ATP6V1A: variants seen among roughly 807,000 people sequenced by gnomAD.
The protein encoded by ATP6V1A is V-type proton ATPase catalytic subunit A.
ATP6V1A carries 18 observed loss-of-function variants against 70.1 expected under a neutral mutation model. That is an observed-to-expected ratio of 0.26 (90% confidence interval 0.18 to 0.38). The LOEUF is 0.38. Ranked by LOEUF, ATP6V1A falls within the 10% of genes least tolerant of loss-of-function variation. The pLI is 1.00. For missense variants in ATP6V1A, 424 were observed against 772.4 expected, an observed-to-expected ratio of 0.55 and a Z score of 5.35; for synonymous variants, 232 against 253.8, an observed-to-expected ratio of 0.91 and a Z score of 0.82.
At chr3:113,793,391 G>A (rs1360645619) in intron 8 of ATP6V1A, among the ~76,000 whole-genome samples, 3 of 152,062 alleles carry the variant, frequency 2.0e-5, no homozygotes, top group Admixed American at 6.6e-5. Context: ...GAATAAATTC[G>A]TCCTTTATCT....
intron 1 of ATP6V1A, among the ~76,000 whole-genome samples, chr3:113,769,468 A>G (rs1446495451): frequency 4.6e-5 from 7 of 152,178 alleles, no homozygotes; most frequent in Non-Finnish European, 8.8e-5. Flanking sequence ...ATAATGCTTC[A>G]TTATCAATGA....
chr3:113,763,373 C>T (rs1484402743), intron 1 of ATP6V1A, among the ~76,000 whole-genome samples: 3 of 152,198 alleles, frequency 2.0e-5, no homozygotes, highest in Non-Finnish European at 4.4e-5. Context: ...AGGCATGAGC[C>T]GCCACACCCA....
At chr3:113,771,892 GA>G (rs1259197324) in intron 1 of ATP6V1A, among the ~76,000 whole-genome samples, 2 of 152,176 alleles carry the variant, frequency 1.3e-5, no homozygotes, top group African/African-American at 4.8e-5. Flanking sequence ...AGCATGCCAA[GA>G]AATTTCCTTG....
intron 1 of ATP6V1A, among the ~76,000 whole-genome samples, chr3:113,761,053 G>A (rs1008939099): frequency 6.6e-6 from 1 of 151,396 alleles, no homozygotes; most frequent in Non-Finnish European, 1.5e-5. Context: ...CCCATAGAGC[G>A]AGACTCTGTC....
rs774413730 is a variant in ATP6V1A at position 113,809,385 on chromosome 3, T to C, written c.1812T>C (p.Leu604=). Residue 604 remains leucine (L), a synonymous_variant, in exon 15 of 15, where the codon CTT becomes CTC. Coordinates refer to ENST00000273398, the MANE Select transcript of ATP6V1A (RefSeq NM_001690.4). ...AGATCAAAAGCGACTATGCACAACT[T>C]CTTGAAGACATGCAGAATGCATTCC... ...EAKIKSDYAQ[L]LEDMQNAFRS... The C allele has an allele frequency of 3.1e-6, 5 of 1,613,972 alleles. No individual in the cohort carries two copies. The Admixed American group carries it at 6.7e-5, about 22-fold the overall frequency.
At position 113,803,898 on chromosome 3, in the gene ATP6V1A, C is replaced by A. The variant is rs545520357; in HGVS notation, c.1589+221C>A. On this transcript the variant is annotated intron_variant, in intron 13 of 14. Coordinates refer to ENST00000273398, the MANE Select transcript of ATP6V1A (RefSeq NM_001690.4). ...ACAGTATTTTCACTCATATATTCAT[C>A]TATAATTAGATTTAATTGTGGCTTA... Among the ~76,000 whole-genome samples the A allele has an allele frequency of 2.6e-5, 4 of 152,292 alleles. No homozygotes were observed. In the South Asian group the frequency reaches 8.3e-4, roughly 32 times the overall value.
At position 113,804,059 on chromosome 3, in the gene ATP6V1A, G is replaced by T. The variant is rs1052951340; in HGVS notation, c.1589+382G>T. Among the ~76,000 whole-genome samples, 3 of 152,086 alleles carry T rather than the reference G, an allele frequency of 2.0e-5. No individual in the cohort carries two copies. In the South Asian group the frequency reaches 6.2e-4, roughly 32 times the overall value. On this transcript the variant is annotated intron_variant, in intron 13 of 14. Coordinates refer to ENST00000273398, the MANE Select transcript of ATP6V1A (RefSeq NM_001690.4). ...GTCACCCGAGCTAGAGTGCAGTGGC[G>T]CAATCTCAGCTCATTGCAGCCTCAA...
intron 14 of ATP6V1A, 27 bp from the exon 15 acceptor site, chr3:113,809,308 A>C (rs1199466506): frequency 1.3e-6 from 2 of 1,568,856 alleles, no homozygotes; most frequent in Non-Finnish European, 8.7e-7. Flanking sequence ...TCCAAATGCG[A>C]GTTGAATTTG....
intron 8 of ATP6V1A, among the ~76,000 whole-genome samples, chr3:113,790,336 C>T (rs1709078188): frequency 6.8e-6 from 1 of 147,800 alleles, no homozygotes; most frequent in South Asian, 2.2e-4. Context: ...AATTTACTTA[C>T]TATGTCTTCA....
At chr3:113,778,873 A>T (rs763119889) in intron 2 of ATP6V1A, 38 bp downstream of exon 2, 1 of 1,283,680 alleles carries the variant, frequency 7.8e-7, no homozygotes, top group Non-Finnish European at 1.1e-6. Flanking sequence ...AAGGATATCT[A>T]ACTTTGATTA....
intron 8 of ATP6V1A, among the ~76,000 whole-genome samples, chr3:113,791,633 G>A (rs891495233): frequency 1.3e-5 from 2 of 152,142 alleles, no homozygotes; most frequent in Non-Finnish European, 2.9e-5. Flanking sequence ...ATGGCATGCA[G>A]CTGTGTAAAA....
At chr3:113,782,770 G>A (rs975737612) in intron 3 of ATP6V1A, among the ~76,000 whole-genome samples, 3 of 151,386 alleles carry the variant, frequency 2.0e-5, no homozygotes, top group Admixed American at 6.6e-5. Context: ...TTACAGGCAC[G>A]TGCCAGCATG....
chr3:113,786,208 TA>T, intron 5 of ATP6V1A, 23 bp from the exon 6 acceptor site: 1 of 1,583,062 alleles, frequency 6.3e-7, no homozygotes, highest in African/African-American at 1.3e-5. Context: ...TTGACCATAC[TA>T]AAATCCTACT....
At chr3:113,770,221 G>C (rs556633018) in intron 1 of ATP6V1A, among the ~76,000 whole-genome samples, 34 of 151,978 alleles carry the variant, frequency 2.2e-4, no homozygotes, top group Non-Finnish European at 4.4e-4. Flanking sequence ...GCTAATTTTT[G>C]TATTTTTTGG....
At chr3:113,785,359 G>C (rs548071559) in intron 5 of ATP6V1A, among the ~76,000 whole-genome samples, 1 of 152,218 alleles carries the variant, frequency 6.6e-6, no homozygotes, top group Non-Finnish European at 1.5e-5. Context: ...AGAATCGCCT[G>C]AACCTAGGAG....
At chr3:113,807,336 C>T (rs918502176) in intron 14 of ATP6V1A, among the ~76,000 whole-genome samples, 7 of 151,712 alleles carry the variant, frequency 4.6e-5, no homozygotes, top group African/African-American at 1.7e-4. Flanking sequence ...GCATTCACCA[C>T]ACCCAGCTAA....
intron 1 of ATP6V1A, among the ~76,000 whole-genome samples, chr3:113,777,002 A>C (rs1021690231): frequency 6.6e-6 from 1 of 152,192 alleles, no homozygotes; most frequent in African/African-American, 2.4e-5. Context: ...ATAAGGGTAT[A>C]TTATTTGGTA....
At position 113,798,346 on chromosome 3, in the gene ATP6V1A, A is replaced by G. The variant is rs147537996; in HGVS notation, c.1394A>G (p.Tyr465Cys). ...TATATGCGTGCCTTGGATGAATACT[A>G]TGACAAACACTTCACAGAGTTCGTT... ...SKYMRALDEY[Y>C]DKHFTEFVPL... The change falls in exon 12 of 15, where the codon TAT (tyrosine) becomes TGT (cysteine). Residue 465 changes from tyrosine to cysteine, a missense_variant. By Grantham distance (194) the Tyr-to-Cys change is radical. Transcript: ENST00000273398. 4.8e-5 allele frequency: 77 copies of G among 1,613,882 alleles called. No individual in the cohort carries two copies. The South Asian group carries it at 5.3e-4, about 11-fold the overall frequency.
intron 2 of ATP6V1A, chr3:113,780,612 T>G (rs1393928064): frequency 2.0e-6 from 1 of 507,726 alleles, no homozygotes; most frequent in African/African-American, 2.0e-5. Flanking sequence ...TTTAGGTCTG[T>G]CTCTCAAAGG....
Sources: gnomAD v4.1 joint callset for allele counts (sites outside exome capture counted in the v4.1 genomes callset) on GRCh38, gnomAD v4.1.1 for gene constraint, MANE v1.5 for transcripts, NCBI Gene and HGNC (gene_info 2026-07-23, HGNC 2026-07-21) for gene names.